PCCA: variants seen among roughly 807,000 people sequenced by gnomAD.
The protein encoded by PCCA is propionyl-CoA carboxylase subunit alpha.
PCCA carries 74 observed loss-of-function variants against 101.3 expected under a neutral mutation model. The observed-to-expected ratio is 0.73, with a 90% CI of 0.61 to 0.89. The LOEUF is 0.89. PCCA is among the 40% of genes least tolerant of loss of function. The pLI, the probability that PCCA is intolerant of heterozygous loss-of-function variation, is 0.00. For synonymous variants in PCCA, 294 were observed against 313.6 expected (o/e 0.94, Z 0.66); for missense variants, 891 against 907.0 (o/e 0.98, Z 0.23).
At chr13:100,095,208 A>G (rs1566451505) in intron 1 of PCCA, among the ~76,000 whole-genome samples, 1 of 151,816 alleles carries the variant, frequency 6.6e-6, no homozygotes, top group Non-Finnish European at 1.5e-5. Flanking sequence ...TTATAAAGAC[A>G]CTTTTCATTG....
chr13:100,170,754 T>C (rs2055555809), intron 6 of PCCA, among the ~76,000 whole-genome samples: 1 of 152,222 alleles, frequency 6.6e-6, no homozygotes. Flanking sequence ...ATAACAGCAT[T>C]TATAGTAATA....
chr13:100,516,947 TC>T (rs1446937953), intron 22 of PCCA, among the ~76,000 whole-genome samples: 1 of 152,128 alleles, frequency 6.6e-6, no homozygotes, highest in Non-Finnish European at 1.5e-5. Flanking sequence ...TTTGTTTTTT[TC>T]ATTTTTCTTA....
chr13:100,177,791 G>T (rs1266638789), intron 6 of PCCA, among the ~76,000 whole-genome samples: 2 of 151,992 alleles, frequency 1.3e-5, no homozygotes, highest in Non-Finnish European at 2.9e-5. Flanking sequence ...AAAGACCAAA[G>T]AAAATATTCC....
rs1216664053 is a variant in PCCA at position 100,186,678 on chromosome 13, TTG to T, written c.469-22653_469-22652del. ...AATCACTTGAACAGGGAGGTGGAGG[TTG>T]CAGTGAGCCAAGATCGCATCACTGC... On this transcript the variant is annotated intron_variant, in intron 6 of 23. Coordinates refer to ENST00000376285, the MANE Select transcript of PCCA (RefSeq NM_000282.4). Among the ~76,000 whole-genome samples the T allele has an allele frequency of 2.9e-3, 418 of 146,510 alleles. 3 individuals carry two copies. The highest frequency in any genetic ancestry group is 4.3e-3 in the Non-Finnish European group (286 of 66,938).
intron 19 of PCCA, among the ~76,000 whole-genome samples, chr13:100,373,367 A>G (rs1371322282): frequency 1.3e-5 from 2 of 152,222 alleles, no homozygotes; most frequent in African/African-American, 4.8e-5. Flanking sequence ...TTTGGAAAAA[A>G]CAGTATGATG....
chr13:100,527,180 T>G, intron 22 of PCCA: 1 of 403,152 alleles, frequency 2.5e-6, no homozygotes, highest in South Asian at 1.9e-5. Flanking sequence ...ATTCGGTGGT[T>G]TCAGTCAATT....
intron 21 of PCCA, among the ~76,000 whole-genome samples, chr13:100,492,012 G>A (rs2084940187): frequency 6.6e-6 from 1 of 152,114 alleles, no homozygotes; most frequent in Non-Finnish European, 1.5e-5. Context: ...TGGAATGTAG[G>A]GAAAGAATTA....
chr13:100,146,405 T>C (rs916912544), intron 4 of PCCA, among the ~76,000 whole-genome samples: 1 of 151,784 alleles, frequency 6.6e-6, no homozygotes, highest in African/African-American at 2.4e-5. Flanking sequence ...TGAAACCCCG[T>C]CTCCACTAAA....
chr13:100,136,779 G>GT (rs1288824037), intron 4 of PCCA, among the ~76,000 whole-genome samples: 2 of 151,122 alleles, frequency 1.3e-5, no homozygotes, highest in Non-Finnish European at 3.0e-5. Context: ...TTTGGATGTC[G>GT]TTTTTTTCTT....
At chr13:100,502,031 A>C (rs2085724237) in intron 21 of PCCA, among the ~76,000 whole-genome samples, 1 of 152,140 alleles carries the variant, frequency 6.6e-6, no homozygotes, top group Non-Finnish European at 1.5e-5. Flanking sequence ...GGTGGAGAGC[A>C]CTTCAGCCAG....
intron 7 of PCCA, among the ~76,000 whole-genome samples, chr13:100,231,123 T>G (rs2060444180): frequency 6.6e-6 from 1 of 152,222 alleles, no homozygotes; most frequent in African/African-American, 2.4e-5. Flanking sequence ...ACATGCCCTC[T>G]TTAAAACTTG....
chr13:100,268,884 G>T (rs1299260035), intron 11 of PCCA, 101 bp downstream of exon 11: 1 of 864,990 alleles, frequency 1.2e-6, no homozygotes, highest in African/African-American at 1.7e-5. Context: ...CAGAGACAGG[G>T]TCTCACTCTG....
At chr13:100,272,414 A>G (rs962958302) in intron 11 of PCCA, among the ~76,000 whole-genome samples, 1 of 152,190 alleles carries the variant, frequency 6.6e-6, no homozygotes, top group African/African-American at 2.4e-5. Context: ...GTGAACTCAC[A>G]ATCCTGGCCA....
intron 8 of PCCA, among the ~76,000 whole-genome samples, chr13:100,242,450 C>T (rs1476320787): frequency 6.6e-6 from 1 of 152,108 alleles, no homozygotes; most frequent in African/African-American, 2.4e-5. Context: ...TAGTTGGAGA[C>T]TTTAATAGCA....
At chr13:100,507,604 G>T (rs530409153) in intron 21 of PCCA, among the ~76,000 whole-genome samples, 1 of 152,312 alleles carries the variant, frequency 6.6e-6, no homozygotes, top group Non-Finnish European at 1.5e-5. Flanking sequence ...CACAAGGGAA[G>T]AAATAAATCC....
In PCCA at chr13:100,301,504, C is replaced by T; in HGVS notation, c.1110C>T (p.Val370=). The change falls in exon 13 of 24, where the codon GTC becomes GTT. Residue 370 remains valine (V), a synonymous_variant. Coordinates refer to ENST00000376285, the MANE Select transcript of PCCA (RefSeq NM_000282.4). ...AATGCATTACTGGCCTGGACCTAGT[C>T]CAGGAAATGATCCGTGTTGCTAAGG... ...VTECITGLDL[V]QEMIRVAKGY... is the part of the protein sequence containing the mutation. The T allele has an allele frequency of 6.2e-7, 1 of 1,614,038 alleles. No individual in the cohort carries two copies. Among genetic ancestry groups the T allele is most frequent in the Non-Finnish European group, 8.5e-7 (1 of 1,179,936 alleles).
At chr13:100,141,472 G>A (rs568946482) in intron 4 of PCCA, among the ~76,000 whole-genome samples, 3 of 151,968 alleles carry the variant, frequency 2.0e-5, no homozygotes, top group Non-Finnish European at 2.9e-5. Context: ...GTGCAGTGGC[G>A]TGATCTCGGC....
intron 17 of PCCA, among the ~76,000 whole-genome samples, chr13:100,335,878 A>T (rs2070369539): frequency 6.6e-6 from 1 of 152,200 alleles, no homozygotes; most frequent in Admixed American, 6.5e-5. Flanking sequence ...AGATTACCCT[A>T]CAGACAAAGC....
chr13:100,140,662 C>T (rs778191550), intron 4 of PCCA, among the ~76,000 whole-genome samples: 1 of 152,142 alleles, frequency 6.6e-6, no homozygotes, highest in Non-Finnish European at 1.5e-5. Flanking sequence ...GATCTGCCTG[C>T]TACTGTTTGC....
Sources: allele counts gnomAD v4.1 joint callset (sites outside exome capture counted in the v4.1 genomes callset), GRCh38; gene constraint gnomAD v4.1.1; transcripts MANE v1.5; gene names NCBI Gene and HGNC (gene_info 2026-07-23, HGNC 2026-07-21).